CDH4: variants seen among roughly 807,000 people sequenced by gnomAD.
The protein encoded by CDH4 is cadherin 4.
A neutral mutation model predicts 86.0 loss-of-function variants in CDH4; 33 were observed. The ratio of observed to expected loss-of-function variants is 0.38; its 90% CI spans 0.29 to 0.51. CDH4 has a LOEUF of 0.51. Among genes scored for constraint, CDH4 ranks in the 20% least tolerant of loss-of-function variants. The probability of loss-of-function intolerance (pLI) is 0.86; values close to 1 mark genes in which losing one functional copy is unlikely to be tolerated. For synonymous variants in CDH4, 555 were observed against 549.4 expected (o/e 1.01, Z -0.14); for missense variants, 1,114 against 1,307.4 (o/e 0.85, Z 2.28).
intron 9 of CDH4, among the ~76,000 whole-genome samples, chr20:61,914,018 G>A (rs1004457868): frequency 6.6e-6 from 1 of 152,172 alleles, no homozygotes; most frequent in Admixed American, 6.5e-5. Flanking sequence ...TCTACAGAAC[G>A]CTGGTTCTCA....
rs6028148 is a variant in CDH4, at chr20:61,351,577, A to G, written c.169+96640A>G. Among the ~76,000 whole-genome samples, 373 of 152,284 alleles carry G rather than the reference A, an allele frequency of 2.4e-3. 2 individuals are homozygous for G. The highest frequency in any genetic ancestry group is 8.7e-3 in the African/African-American group (360 of 41,564). On this transcript the variant is annotated intron_variant, in intron 2 of 15. Transcript: ENST00000614565. ...GGCTACACAGCAGGTATGTATGTGT[A>G]TGGGGGGGACGTGAGATGTTTTGAT... is the stretch of plus-strand genomic sequence containing the variant.
At chr20:61,757,295 GT>G (rs2088577538) in intron 3 of CDH4, among the ~76,000 whole-genome samples, 1 of 152,186 alleles carries the variant, frequency 6.6e-6, no homozygotes. Flanking sequence ...TCAGTATTAG[GT>G]TTCATGGCCG....
At chr20:61,907,714 C>T (rs550347591) in intron 8 of CDH4, among the ~76,000 whole-genome samples, 2 of 152,322 alleles carry the variant, frequency 1.3e-5, no homozygotes, top group South Asian at 2.1e-4. Flanking sequence ...CAGGCCTCCC[C>T]GGGTACCCAG....
intron 2 of CDH4, among the ~76,000 whole-genome samples, chr20:61,619,431 A>AT (rs369204653): frequency 3.3e-5 from 5 of 151,994 alleles, no homozygotes; most frequent in South Asian, 2.1e-4. Flanking sequence ...AACGCAAATA[A>AT]TTTTTTTTCA....
intron 2 of CDH4, among the ~76,000 whole-genome samples, chr20:61,673,336 A>G (rs1158344156): frequency 6.6e-6 from 1 of 152,194 alleles, no homozygotes; most frequent in Admixed American, 6.5e-5. Flanking sequence ...GAATCCAAGG[A>G]CAGCTCAGGG....
At chr20:61,604,017 AC>A (rs1476867073) in intron 2 of CDH4, among the ~76,000 whole-genome samples, 2 of 151,902 alleles carry the variant, frequency 1.3e-5, no homozygotes, top group Non-Finnish European at 2.9e-5. Context: ...CTTCTTTAAA[AC>A]CCACAGGGAA....
chr20:61,760,559 A>G (rs2088622178), intron 3 of CDH4, among the ~76,000 whole-genome samples: 1 of 152,230 alleles, frequency 6.6e-6, no homozygotes, highest in Non-Finnish European at 1.5e-5. Flanking sequence ...CTGGGTAAAA[A>G]TGAAGGTGCT....
At chr20:61,509,706 G>A (rs904944220) in intron 2 of CDH4, among the ~76,000 whole-genome samples, 16 of 152,020 alleles carry the variant, frequency 1.1e-4, no homozygotes, top group African/African-American at 3.4e-4. Context: ...CAGAGTCCAC[G>A]GAAGGGGAAC....
At chr20:61,605,670 G>A (rs989797886) in intron 2 of CDH4, among the ~76,000 whole-genome samples, 1 of 151,354 alleles carries the variant, frequency 6.6e-6, no homozygotes, top group Non-Finnish European at 1.5e-5. Context: ...TCTTTTTCTG[G>A]CTTGTTCTCA....
At chr20:61,522,119 G>A (rs1296528726) in intron 2 of CDH4, among the ~76,000 whole-genome samples, 2 of 152,232 alleles carry the variant, frequency 1.3e-5, no homozygotes. Flanking sequence ...CCTCCCTCGT[G>A]ACAGTGGCGT....
chr20:61,318,118 G>GC (rs2084487496), intron 2 of CDH4, among the ~76,000 whole-genome samples: 1 of 152,154 alleles, frequency 6.6e-6, no homozygotes, highest in Admixed American at 6.5e-5. Flanking sequence ...GGACCCATGC[G>GC]CCCCCACCCT....
intron 2 of CDH4, among the ~76,000 whole-genome samples, chr20:61,397,388 C>CACCCAACTGT (rs1226221703): frequency 1.3e-5 from 2 of 152,082 alleles, no homozygotes; most frequent in Non-Finnish European, 2.9e-5. Flanking sequence ...TGTGAAACTT[C>CACCCAACTGT]ACCCAACTGT....
chr20:61,513,528 G>GC (rs1470529029), intron 2 of CDH4, among the ~76,000 whole-genome samples: 9 of 152,200 alleles, frequency 5.9e-5, no homozygotes, highest in African/African-American at 2.2e-4. Flanking sequence ...CCGCCATGGC[G>GC]CACGGCTGTG....
intron 2 of CDH4, among the ~76,000 whole-genome samples, chr20:61,341,466 T>C (rs144401627): frequency 4.6e-5 from 7 of 152,260 alleles, no homozygotes; most frequent in African/African-American, 1.4e-4. Context: ...AAAGTAGCAT[T>C]ACCTTTGTTT....
At chr20:61,647,225 G>A (rs1218876614) in intron 2 of CDH4, among the ~76,000 whole-genome samples, 1 of 152,144 alleles carries the variant, frequency 6.6e-6, no homozygotes, top group Non-Finnish European at 1.5e-5. Flanking sequence ...TAGGATCAGG[G>A]TCTCATGCCC....
chr20:61,631,595 G>C (rs2086889247), intron 2 of CDH4, among the ~76,000 whole-genome samples: 1 of 152,196 alleles, frequency 6.6e-6, no homozygotes, highest in South Asian at 2.1e-4. Flanking sequence ...AGTGAGCCGA[G>C]ATCACGCCAC....
At chr20:61,351,585 G>A (rs963266364) in intron 2 of CDH4, among the ~76,000 whole-genome samples, 3 of 152,152 alleles carry the variant, frequency 2.0e-5, no homozygotes, top group African/African-American at 4.8e-5. Flanking sequence ...GTATGGGGGG[G>A]ACGTGAGATG....
chr20:61,913,527 T>C (rs1193838578), intron 9 of CDH4, among the ~76,000 whole-genome samples: 3 of 152,230 alleles, frequency 2.0e-5, no homozygotes, highest in Non-Finnish European at 4.4e-5. Context: ...CGGAGCCCTC[T>C]TCTGTTCTTC....
chr20:61,265,151 C>T (rs2084150623), intron 2 of CDH4, among the ~76,000 whole-genome samples: 1 of 150,004 alleles, frequency 6.7e-6, no homozygotes, highest in Non-Finnish European at 1.5e-5. Flanking sequence ...ACACATAACT[C>T]AGTGGTTCCT....
Sources: gnomAD v4.1 joint callset for allele counts (sites outside exome capture counted in the v4.1 genomes callset) on GRCh38, gnomAD v4.1.1 for gene constraint, MANE v1.5 for transcripts, NCBI Gene and HGNC (gene_info 2026-07-23, HGNC 2026-07-21) for gene names.